Variants in L3MBTL3 observed in about 807,000 individuals in gnomAD.
The protein encoded by L3MBTL3 is lethal(3)malignant brain tumor-like protein 3.
Under a neutral mutation model 102.3 loss-of-function variants are expected in L3MBTL3, and 27 were observed. That is an observed-to-expected ratio of 0.26 (90% CI 0.19 to 0.36). The LOEUF is 0.36. L3MBTL3 is among the 10% of genes least tolerant of loss of function. The probability of loss-of-function intolerance (pLI) is 1.00; values close to 1 mark genes in which losing one functional copy is unlikely to be tolerated. For missense variants in L3MBTL3, 798 were observed against 955.3 expected, an observed-to-expected ratio of 0.84 and a Z score of 2.17; for synonymous variants, 340 against 320.9, an observed-to-expected ratio of 1.06 and a Z score of -0.64.
chr6:130,048,622 G>A (rs1171268506), intron 3 of L3MBTL3, among the ~76,000 whole-genome samples: 1 of 152,196 alleles, frequency 6.6e-6, no homozygotes, highest in Non-Finnish European at 1.5e-5. Context: ...TAGACTACTT[G>A]TTCAGGTCCC....
At chr6:130,106,861 A>G (rs998539982) in intron 19 of L3MBTL3, among the ~76,000 whole-genome samples, 3 of 152,170 alleles carry the variant, frequency 2.0e-5, no homozygotes, top group African/African-American at 4.8e-5. Flanking sequence ...ATGCCCTTCC[A>G]CTCATTTCCC....
chr6:130,121,017 A>G, intron 20 of L3MBTL3, 59 bp downstream of exon 20: 1 of 1,032,050 alleles, frequency 9.7e-7, no homozygotes, highest in South Asian at 1.4e-5. Context: ...AAACAATCAA[A>G]GCCTTAACTG....
intron 3 of L3MBTL3, among the ~76,000 whole-genome samples, chr6:130,046,286 G>A (rs369278336): frequency 2.0e-5 from 3 of 152,186 alleles, no homozygotes; most frequent in African/African-American, 4.8e-5. Context: ...AAAATTCACC[G>A]CACTCTTAAT....
At chr6:130,108,228 T>G (rs1240655072) in intron 19 of L3MBTL3, among the ~76,000 whole-genome samples, 1 of 119,014 alleles carries the variant, frequency 8.4e-6, no homozygotes, top group Admixed American at 1.1e-4. Flanking sequence ...TGGTTTTTTT[T>G]TTGTTTTTTT....
chr6:130,043,564 C>T lies in L3MBTL3; in HGVS notation c.102+763C>T, dbSNP rs149423809. Among the ~76,000 whole-genome samples, 75 of 152,278 alleles carry T rather than the reference C, an allele frequency of 4.9e-4. 1 individual carries two copies. The highest frequency in any genetic ancestry group is 3.4e-3 in the Middle Eastern group (1 of 294). Reference sequence around the variant, plus strand: ...TGATCCTATCTCTGGAACCTTGAACCGGTCTGTGGCCCTTTAGACTTTGTG... The same window carrying T: ...TGATCCTATCTCTGGAACCTTGAACTGGTCTGTGGCCCTTTAGACTTTGTG... On this transcript the variant is annotated intron_variant, in intron 3 of 22. Coordinates refer to ENST00000361794, the MANE Select transcript of L3MBTL3 (RefSeq NM_032438.4).
Position 130,141,104 on chromosome 6 carries a change from T to C in L3MBTL3, c.*1351T>C, listed in dbSNP as rs1181195245. The C allele has an allele frequency of 6.6e-6, 1 of 152,368 alleles. No individual in the cohort carries two copies. The highest frequency in any genetic ancestry group is 6.5e-5 in the Admixed American group (1 of 15,288). The allele number at this position is 152,368 out of a possible 1,614,324, so 9.4% of individuals were successfully genotyped here. A position where few individuals can be genotyped will look rare whatever the true frequency, so the allele number is the denominator to read the frequency against. ...ACTTTCTGATTCCAGGATTGGATAT[T>C]TATTCAAGGACTATTTTAAAAATAG... On this transcript the variant is annotated 3_prime_UTR_variant, in exon 23 of 23. Coordinates refer to ENST00000361794, the MANE Select transcript of L3MBTL3 (RefSeq NM_032438.4).
chr6:130,099,168 T>G (rs1419756952), intron 18 of L3MBTL3, among the ~76,000 whole-genome samples: 1 of 152,084 alleles, frequency 6.6e-6, no homozygotes, highest in Non-Finnish European at 1.5e-5. Flanking sequence ...AGCTGATATG[T>G]GAAATAATAT....
At chr6:130,089,382 C>T (rs1429418259) in intron 16 of L3MBTL3, among the ~76,000 whole-genome samples, 2 of 152,102 alleles carry the variant, frequency 1.3e-5, no homozygotes, top group Non-Finnish European at 2.9e-5. Context: ...CATGTCCCTG[C>T]AGAAGACATG....
At position 130,140,864 on chromosome 6, in the gene L3MBTL3, T is replaced by C. The variant is rs1224095296; in HGVS notation, c.*1111T>C. On this transcript the variant is annotated 3_prime_UTR_variant, in exon 23 of 23. Coordinates refer to ENST00000361794, the MANE Select transcript of L3MBTL3 (RefSeq NM_032438.4). The stretch of plus-strand genomic sequence containing the variant: ...TCAGTTGACACAAAATTTGAAATGC[T>C]CACAGATCAGGGAGGTGATTTCCCA... 2 of 152,592 alleles carry C rather than the reference T, an allele frequency of 1.3e-5. No homozygotes were observed. The highest frequency in any genetic ancestry group is 2.9e-5 in the Non-Finnish European group (2 of 68,032). The allele number at this position is 152,592 out of a possible 1,614,324, so 9.5% of individuals were successfully genotyped here. A position where few individuals can be genotyped will look rare whatever the true frequency, so the allele number is the denominator to read the frequency against.
chr6:130,070,811 C>A (rs1333339740), intron 12 of L3MBTL3, 165 bp from the exon 13 acceptor site: 5 of 36,954 alleles, frequency 1.4e-4, no homozygotes, highest in African/African-American at 6.9e-4. Context: ...TTTTTTTTTG[C>A]GGCTTGTTGG....
intron 19 of L3MBTL3, among the ~76,000 whole-genome samples, chr6:130,116,043 G>A (rs1785652507): frequency 6.6e-6 from 1 of 152,172 alleles, no homozygotes; most frequent in African/African-American, 2.4e-5. Context: ...GTCCGTAGCA[G>A]ACCTGGGTTA....
rs555626638 is a variant in L3MBTL3 at position 130,070,111 on chromosome 6, TTTTTG to T, written c.1093-845_1093-841del. 4.3e-3 allele frequency among the ~76,000 whole-genome samples: 659 copies of T among 151,788 alleles called. 5 individuals carry two copies. The highest frequency in any genetic ancestry group is 5.8e-3 in the Non-Finnish European group (395 of 67,994). ...ACAGAGGTTTTTGTTTGTTTTTTGT[TTTTTG>T]TTTTGTTTTGTTTTGTTTTTAGGGA... On this transcript the variant is annotated intron_variant, in intron 12 of 22. Coordinates refer to ENST00000361794, the MANE Select transcript of L3MBTL3 (RefSeq NM_032438.4).
chr6:130,110,071 A>G (rs989287295), intron 19 of L3MBTL3, among the ~76,000 whole-genome samples: 1 of 152,164 alleles, frequency 6.6e-6, no homozygotes, highest in Non-Finnish European at 1.5e-5. Context: ...CTGTTTTGGT[A>G]CCAGTACCAT....
chr6:130,053,041 G>A (rs370589163), intron 7 of L3MBTL3, 50 bp downstream of exon 7: 208 of 1,410,654 alleles, frequency 1.5e-4, no homozygotes, highest in Middle Eastern at 1.8e-4. Flanking sequence ...TCTTTAGTGG[G>A]TAGCATCACA....
Position 130,120,924 on chromosome 6 carries a change from A to C in L3MBTL3, c.1932A>C (p.Thr644=), listed in dbSNP as rs1786124921. Reference sequence around the variant, plus strand: ...TCAAAGAAGACTTTGAAGAGAGAACAGAAAGTGAAATGAGAACATCACATG... The same window carrying C: ...TCAAAGAAGACTTTGAAGAGAGAACCGAAAGTGAAATGAGAACATCACATG... ...DDVKEDFEER[T]ESEMRTSHEA... is the part of the protein sequence containing the mutation. Residue 644 remains threonine (T), a synonymous_variant, in exon 20 of 23, where the codon ACA becomes ACC. Transcript: ENST00000361794. 1 of 1,613,058 alleles carries C rather than the reference A, an allele frequency of 6.2e-7. No individual in the cohort carries two copies. The highest frequency in any genetic ancestry group is 2.2e-5 in the East Asian group (1 of 44,772).
chr6:130,119,170 A>G (rs997961250), intron 19 of L3MBTL3, among the ~76,000 whole-genome samples: 1 of 152,192 alleles, frequency 6.6e-6, no homozygotes, highest in Non-Finnish European at 1.5e-5. Context: ...TATTTAAAAA[A>G]AAAATATCAA....
At chr6:130,112,546 A>G (rs1489873998) in intron 19 of L3MBTL3, among the ~76,000 whole-genome samples, 1 of 152,190 alleles carries the variant, frequency 6.6e-6, no homozygotes, top group East Asian at 1.9e-4. Context: ...CACATAGAAA[A>G]TGATACCACA....
At chr6:130,078,814 T>C (rs920623495) in intron 14 of L3MBTL3, among the ~76,000 whole-genome samples, 180 bp downstream of exon 14, 5 of 152,208 alleles carry the variant, frequency 3.3e-5, no homozygotes, top group African/African-American at 4.8e-5. Context: ...CCAATGTGCA[T>C]GGGTGTGTTG....
chr6:130,044,705 ATTTTCT>A (rs1780621738), intron 3 of L3MBTL3, among the ~76,000 whole-genome samples: 1 of 152,008 alleles, frequency 6.6e-6, no homozygotes, highest in African/African-American at 2.4e-5. Flanking sequence ...TTTAAATGTC[ATTTTCT>A]TTTACTTTAT....
Sources: gnomAD v4.1 joint callset for allele counts (sites outside exome capture counted in the v4.1 genomes callset) on GRCh38, gnomAD v4.1.1 for gene constraint, MANE v1.5 for transcripts, NCBI Gene and HGNC (gene_info 2026-07-23, HGNC 2026-07-21) for gene names.